The following ITSN2 variants were observed in gnomAD, a reference collection of about 807,000 sequenced individuals.
The protein encoded by ITSN2 is intersectin-2.
In ITSN2, 156 loss-of-function variants were observed where a neutral mutation model predicts 243.7. That is an observed-to-expected ratio of 0.64 (90% confidence interval 0.56 to 0.73). ITSN2 has a LOEUF of 0.73. Among genes scored for constraint, ITSN2 ranks in the 30% least tolerant of loss-of-function variants. ITSN2 has a pLI of 0.00. For synonymous variants in ITSN2, 703 were observed against 699.9 expected, an observed-to-expected ratio of 1.00 and a Z score of -0.07; for missense variants, 1,801 against 1,996.1, an observed-to-expected ratio of 0.90 and a Z score of 1.86.
chr2:24,337,489 T>G (rs1402500080), intron 1 of ITSN2, among the ~76,000 whole-genome samples: 1 of 149,380 alleles, frequency 6.7e-6, no homozygotes, highest in Non-Finnish European at 1.5e-5. Flanking sequence ...TAGCTGGGAT[T>G]ACAGGCGCGC....
rs1017877322 is a variant in ITSN2 at position 24,249,441 on chromosome 2, G to T, written c.3121-559C>A. On this transcript the variant is annotated intron_variant, in intron 25 of 39. Coordinates refer to ENST00000355123, the MANE Select transcript of ITSN2 (RefSeq NM_006277.3). The surrounding 1 kb of genome is among the most constrained non-coding windows in gnomAD (Gnocchi z 4.4). ...CTATTACTTCTGTTTCACTTTAAAG[G>T]ATAAACTGGCCCAACCACATTTCCT... Among the ~76,000 whole-genome samples the T allele has an allele frequency of 6.6e-6, 1 of 152,040 alleles. No homozygotes were observed. The highest frequency in any genetic ancestry group is 1.5e-5 in the Non-Finnish European group (1 of 68,002).
chr2:24,319,128 T>C (rs1036696949), intron 2 of ITSN2, among the ~76,000 whole-genome samples: 2 of 152,102 alleles, frequency 1.3e-5, no homozygotes, highest in South Asian at 2.1e-4. Flanking sequence ...GCCAAAAAGG[T>C]TGGGGACCAG....
chr2:24,323,384 T>C (rs533152094), intron 2 of ITSN2, among the ~76,000 whole-genome samples: 1 of 152,314 alleles, frequency 6.6e-6, no homozygotes, highest in East Asian at 1.9e-4. Flanking sequence ...ATTTATACAA[T>C]GGACTACTAT....
intron 24 of ITSN2, among the ~76,000 whole-genome samples, chr2:24,252,970 C>T (rs1252993877): frequency 6.6e-6 from 1 of 152,194 alleles, no homozygotes; most frequent in Non-Finnish European, 1.5e-5. Context: ...TATGGAAACA[C>T]TCAATACCCA....
At chr2:24,229,596 A>C (rs1034095115) in intron 29 of ITSN2, among the ~76,000 whole-genome samples, 8 of 152,180 alleles carry the variant, frequency 5.3e-5, no homozygotes, top group African/African-American at 1.7e-4. Context: ...CTCAACAACA[A>C]CACAAAGAAC....
chr2:24,270,789 A>T, intron 19 of ITSN2, 21 bp from the exon 20 acceptor site: 1 of 1,312,948 alleles, frequency 7.6e-7, no homozygotes, highest in Non-Finnish European at 1.1e-6. Flanking sequence ...GACAATTGTC[A>T]TTATTTGCAA....
rs558027820 is a variant in ITSN2 at position 24,225,984 on chromosome 2, A to G, written c.3578-4918T>C. ...TTAGCAAGCTGTGACCGCTGAACACATGCAGTGTTTCCATGGTACTGGTTT... is the reference window on the plus strand; with the variant it reads ...TTAGCAAGCTGTGACCGCTGAACACGTGCAGTGTTTCCATGGTACTGGTTT... On this transcript the variant is annotated intron_variant, in intron 29 of 39. Coordinates refer to ENST00000355123, the MANE Select transcript of ITSN2 (RefSeq NM_006277.3). The surrounding 1 kb of genome is among the most constrained non-coding windows in gnomAD (Gnocchi z 4.2). Among the ~76,000 whole-genome samples, 3 of 152,278 alleles carry G rather than the reference A, an allele frequency of 2.0e-5. No homozygotes were observed. The South Asian group carries it at 6.2e-4, about 32-fold the overall frequency.
At chr2:24,259,214 C>A (rs543648958) in intron 22 of ITSN2, among the ~76,000 whole-genome samples, 1 of 152,196 alleles carries the variant, frequency 6.6e-6, no homozygotes, top group Non-Finnish European at 1.5e-5. Flanking sequence ...TGGTTGCTCA[C>A]GCTAAAGACT....
At position 24,360,534 on chromosome 2, in the gene ITSN2, T is replaced by G. The variant is rs1017544679; in HGVS notation, c.-264A>C. On this transcript the variant is annotated 5_prime_UTR_variant, in exon 1 of 40. Coordinates refer to ENST00000355123, the MANE Select transcript of ITSN2 (RefSeq NM_006277.3). ...CCACAACAACATGGCGGCCGCGGCC[T>G]CCGCAGGAAGCCGGGGGGCGGGGAG... 6.6e-6 allele frequency: 1 copy of G among 152,340 alleles called. No individual in the cohort carries two copies. The highest frequency in any genetic ancestry group is 1.5e-5 in the Non-Finnish European group (1 of 68,050). The allele number at this position is 152,340 out of a possible 1,614,324, so 9.4% of individuals were successfully genotyped here.
chr2:24,214,992 T>G (rs555542643), intron 32 of ITSN2, among the ~76,000 whole-genome samples: 1 of 152,232 alleles, frequency 6.6e-6, no homozygotes, highest in African/African-American at 2.4e-5. Context: ...ATAATAATAG[T>G]TTCTACTACT....
At chr2:24,335,952 T>G (rs1686319134) in intron 1 of ITSN2, among the ~76,000 whole-genome samples, 1 of 151,316 alleles carries the variant, frequency 6.6e-6, no homozygotes, top group African/African-American at 2.4e-5. Flanking sequence ...TTCTTAAAAG[T>G]TTCCCTTGGC....
At chr2:24,248,940 A>G (rs1673760384) in intron 25 of ITSN2, 58 bp from the exon 26 acceptor site, 1 of 1,484,460 alleles carries the variant, frequency 6.7e-7, no homozygotes. Flanking sequence ...ATGTAAAAGT[A>G]TAAAGGTTAA....
At chr2:24,219,013 C>T (rs1433005471) in intron 30 of ITSN2, among the ~76,000 whole-genome samples, 5 of 152,174 alleles carry the variant, frequency 3.3e-5, no homozygotes, top group African/African-American at 9.7e-5. Context: ...CAGCCTGGCC[C>T]TCAGCTACTT....
intron 37 of ITSN2, among the ~76,000 whole-genome samples, chr2:24,207,732 G>T (rs974214836): frequency 3.9e-5 from 6 of 151,922 alleles, no homozygotes; most frequent in Non-Finnish European, 7.4e-5. Flanking sequence ...GACAGGACGT[G>T]GACTGAAGTC....
chr2:24,212,234 A>G (rs1481084785), intron 33 of ITSN2, among the ~76,000 whole-genome samples: 1 of 152,124 alleles, frequency 6.6e-6, no homozygotes, highest in Non-Finnish European at 1.5e-5. Flanking sequence ...CATCTAGGAA[A>G]GGTGTTCAGG....
At chr2:24,238,107 T>C (rs1672358472) in intron 29 of ITSN2, among the ~76,000 whole-genome samples, 1 of 152,226 alleles carries the variant, frequency 6.6e-6, no homozygotes, top group Non-Finnish European at 1.5e-5. Flanking sequence ...AGTTGCTTCC[T>C]CCAGCAAGTC....
At chr2:24,311,629 T>C (rs1181123802) in intron 5 of ITSN2, 2 of 167,112 alleles carry the variant, frequency 1.2e-5, no homozygotes, top group African/African-American at 4.8e-5. Context: ...CCATTCAAAA[T>C]GAGTGCTTCT....
intron 1 of ITSN2, among the ~76,000 whole-genome samples, chr2:24,357,492 A>C (rs1688557109): frequency 6.6e-6 from 1 of 152,176 alleles, no homozygotes; most frequent in Non-Finnish European, 1.5e-5. Context: ...CAATGAGGGA[A>C]GGGGACTTAG....
intron 9 of ITSN2, among the ~76,000 whole-genome samples, chr2:24,302,363 T>C (rs1248422212): frequency 6.6e-6 from 1 of 151,978 alleles, no homozygotes; most frequent in Admixed American, 6.6e-5. Context: ...CACGCCTGGC[T>C]AATTTTTTGT....
Sources: allele counts gnomAD v4.1 joint callset (sites outside exome capture counted in the v4.1 genomes callset), GRCh38; gene constraint gnomAD v4.1.1; non-coding constraint Gnocchi (gnomAD v3.1); transcripts MANE v1.5; gene names NCBI Gene and HGNC (gene_info 2026-07-23, HGNC 2026-07-21).